The following TAPBPL variants were observed in gnomAD, a reference collection of about 807,000 sequenced individuals.
The protein encoded by TAPBPL is tapasin-related protein.
Under a neutral mutation model 44.8 loss-of-function variants are expected in TAPBPL, and 32 were observed. That is an observed-to-expected ratio of 0.71 (90% confidence interval 0.54 to 0.96). The LOEUF (loss-of-function observed/expected upper bound fraction) is 0.96, where lower values mean the gene tolerates loss of function less well. Among genes scored for constraint, TAPBPL ranks in the 40% least tolerant of loss-of-function variants. The pLI is 0.00. For synonymous variants in TAPBPL, 230 were observed against 240.7 expected, an observed-to-expected ratio of 0.96 and a Z score of 0.41; for missense variants, 520 against 586.6, an observed-to-expected ratio of 0.89 and a Z score of 1.17.
downstream of TAPBPL, chr12:6,465,370 ATAAATG>A (rs767578909): frequency 3.6e-3 from 409 of 115,018 alleles, 5 homozygotes; most frequent in South Asian, 8.0e-3. Flanking sequence ...ATATATATAT[ATAAATG>A]TATATATATG....
chr12:6,462,662 G>C (rs1309242803), downstream of TAPBPL: 17 of 732,616 alleles, frequency 2.3e-5, no homozygotes, highest in Admixed American at 3.6e-4. Flanking sequence ...CCTGTGATAG[G>C]GCTGGGAGAG....
chr12:6,460,690 T>C (rs75100764), intron 5 of TAPBPL, among the ~76,000 whole-genome samples, 165 bp from the exon 6 acceptor site: 1,790 of 152,320 alleles, frequency 0.012, 21 homozygotes, highest in Middle Eastern at 0.048. Context: ...TCCAGCAACC[T>C]TGAATAAGAA....
intron 3 of TAPBPL, among the ~76,000 whole-genome samples, chr12:6,454,023 A>AAAAAG (rs943706818): frequency 1.5e-4 from 23 of 151,764 alleles, no homozygotes; most frequent in Non-Finnish European, 2.4e-4. Flanking sequence ...CTCAAAAAAA[A>AAAAAG]AAAAGAAAAG....
chr12:6,462,440 G>A (rs566258918), downstream of TAPBPL: 40 of 494,264 alleles, frequency 8.1e-5, 2 homozygotes, highest in South Asian at 1.2e-3. Flanking sequence ...AGAACGGGAT[G>A]TGGGAAGCTC....
downstream of TAPBPL, among the ~76,000 whole-genome samples, chr12:6,467,635 T>G (rs1169580284): frequency 1.3e-5 from 2 of 152,254 alleles, no homozygotes; most frequent in Admixed American, 1.3e-4. Context: ...GCAAGGAACC[T>G]AGTGTTAGCC....
At chr12:6,455,613 T>A (rs1949683881) in intron 3 of TAPBPL, among the ~76,000 whole-genome samples, 1 of 152,118 alleles carries the variant, frequency 6.6e-6, no homozygotes, top group Non-Finnish European at 1.5e-5. Flanking sequence ...TTTTAGATAT[T>A]TTTTAATTGA....
At chr12:6,470,373 C>G (rs1945741729), downstream of TAPBPL, among the ~76,000 whole-genome samples, 1 of 151,982 alleles carries the variant, frequency 6.6e-6, no homozygotes. Flanking sequence ...TGCTGGCCCC[C>G]CTCCCTGGGG....
At chr12:6,465,360 A>ATATATATATATAAATGTATATATATG (rs1565525926), downstream of TAPBPL, 1 of 187,594 alleles carries the variant, frequency 5.3e-6, no homozygotes. Flanking sequence ...AGAAAAAAGT[A>ATATATATATATAAATGTATATATATG]TATATATATA....
downstream of TAPBPL, chr12:6,464,013 A>C (rs1035459000): frequency 7.7e-7 from 1 of 1,292,870 alleles, no homozygotes; most frequent in Non-Finnish European, 1.0e-6. Flanking sequence ...GCTCCACATG[A>C]CCAGGCAGTA....
chr12:6,456,771 G>A (rs1219329689), intron 3 of TAPBPL, among the ~76,000 whole-genome samples: 1 of 152,044 alleles, frequency 6.6e-6, no homozygotes, highest in African/African-American at 2.4e-5. Flanking sequence ...TCCTGTCTCA[G>A]CCTCCCAAGT....
In TAPBPL at chr12:6,462,188, CT is replaced by C; in HGVS notation, c.*41del. ...GAGACTACTAGAAAGAAACGACACCCTTCCCCAAGCCCCCACAGCTACTCCA... is the reference window on the plus strand; with the variant it reads ...GAGACTACTAGAAAGAAACGACACCCTCCCCAAGCCCCCACAGCTACTCCA... On this transcript the variant is annotated 3_prime_UTR_variant, in exon 7 of 7. Transcript: ENST00000266556. 1 of 1,527,954 alleles carries C rather than the reference CT, an allele frequency of 6.5e-7. No individual in the cohort carries two copies. Among genetic ancestry groups the C allele is most frequent in the Non-Finnish European group, 8.9e-7 (1 of 1,121,814 alleles). 94.6% of individuals were successfully genotyped at this position (1,527,954 alleles called of 1,614,324 possible). A position where few individuals can be genotyped will look rare whatever the true frequency, so the allele number is the denominator to read the frequency against.
At chr12:6,465,446 A>ATATATATAAATG (rs1949996366), downstream of TAPBPL, 13 of 140,200 alleles carry the variant, frequency 9.3e-5, no homozygotes, top group African/African-American at 3.5e-4. Context: ...ATATATGTAT[A>ATATATATAAATG]TATACATATG....
chr12:6,458,882 CCTG>C lies in TAPBPL; in HGVS notation c.1144_1146del (p.Cys382del). Reference sequence around the variant, plus strand: ...CCTGGCTCTGCAGGTGCCACTTACACCTGCCAGGTCACACACATCTCTCTGGAG... The same window carrying C: ...CCTGGCTCTGCAGGTGCCACTTACACCCAGGTCACACACATCTCTCTGGAG... On this transcript the variant is annotated inframe_deletion, in exon 5 of 7. Coordinates refer to ENST00000266556, the MANE Select transcript of TAPBPL (RefSeq NM_018009.5). 1 of 1,614,182 alleles carries C rather than the reference CCTG, an allele frequency of 6.2e-7. No individual in the cohort carries two copies. The highest frequency in any genetic ancestry group is 8.5e-7 in the Non-Finnish European group (1 of 1,180,044).
At chr12:6,467,308 C>A (rs1177235884), downstream of TAPBPL, among the ~76,000 whole-genome samples, 1 of 152,036 alleles carries the variant, frequency 6.6e-6, no homozygotes, top group Non-Finnish European at 1.5e-5. Context: ...CAGGAAAATG[C>A]GGGAAAGTTT....
chr12:6,461,134 A>G (rs1013690827), intron 6 of TAPBPL, 196 bp downstream of exon 6: 25 of 1,405,192 alleles, frequency 1.8e-5, no homozygotes, highest in Non-Finnish European at 3.7e-6. Context: ...CTACCTCACT[A>G]AAGTCTGTCA....
intron 3 of TAPBPL, among the ~76,000 whole-genome samples, chr12:6,454,797 C>T (rs563364221): frequency 7.2e-5 from 11 of 152,218 alleles, no homozygotes; most frequent in African/African-American, 2.6e-4. Flanking sequence ...AGCACATCCT[C>T]GAGGGCACAA....
chr12:6,464,183 T>C (rs1949946686), downstream of TAPBPL: 1 of 1,459,436 alleles, frequency 6.9e-7, no homozygotes, highest in African/African-American at 1.4e-5. Flanking sequence ...TCCCTTGGCC[T>C]CCAACTCTTT....
chr12:6,470,925 C>T (rs1056999931), downstream of TAPBPL: 19 of 269,874 alleles, frequency 7.0e-5, no homozygotes, highest in African/African-American at 1.8e-4. Flanking sequence ...AGGGACGGGG[C>T]GGGGTGGAGA....
downstream of TAPBPL, among the ~76,000 whole-genome samples, chr12:6,469,166 C>T (rs1470609234): frequency 6.6e-6 from 1 of 152,142 alleles, no homozygotes; most frequent in Non-Finnish European, 1.5e-5. Flanking sequence ...GGAGGTAAAG[C>T]AAAGATAGAC....
Sources: allele counts gnomAD v4.1 joint callset (sites outside exome capture counted in the v4.1 genomes callset), GRCh38; gene constraint gnomAD v4.1.1; transcripts MANE v1.5; gene names NCBI Gene and HGNC (gene_info 2026-07-23, HGNC 2026-07-21).